USP34: variants seen among roughly 807,000 people sequenced by gnomAD.
USP34 encodes the protein ubiquitin carboxyl-terminal hydrolase 34.
Under a neutral mutation model 460.3 loss-of-function variants are expected in USP34, and 70 were observed. The observed-to-expected ratio is 0.15, with a 90% confidence interval of 0.13 to 0.19. The LOEUF (loss-of-function observed/expected upper bound fraction) is 0.19, where lower values mean the gene tolerates loss of function less well. Ranked by LOEUF, USP34 falls within the 10% of genes least tolerant of loss-of-function variation. The pLI is 1.00. For missense variants in USP34, 3,985 were observed against 4,236.2 expected (o/e 0.94, Z 1.65); for synonymous variants, 1,647 against 1,405.3 (o/e 1.17, Z -3.85).
intron 8 of USP34, among the ~76,000 whole-genome samples, chr2:61,376,381 A>G (rs1019094979): frequency 6.6e-6 from 1 of 152,174 alleles, no homozygotes; most frequent in Non-Finnish European, 1.5e-5. Context: ...CTATTCTCTT[A>G]AACATGTCTT....
chr2:61,238,103 C>T (rs1293341299), intron 53 of USP34, among the ~76,000 whole-genome samples: 3 of 151,952 alleles, frequency 2.0e-5, no homozygotes, highest in African/African-American at 7.3e-5. Flanking sequence ...ATCATGTTGG[C>T]CAGGCTGGTC....
rs1396914026 is a variant in USP34 at position 61,369,969 on chromosome 2, G to T, written c.1251+352C>A. 8.0e-5 allele frequency among the ~76,000 whole-genome samples: 11 copies of T among 136,972 alleles called. No homozygotes were observed. In the East Asian group the frequency reaches 2.1e-3, roughly 27 times the overall value. The allele number at this position is 136,972 out of a possible 152,430, so 89.9% of individuals were successfully genotyped here. A position where few individuals can be genotyped will look rare whatever the true frequency, so the allele number is the denominator to read the frequency against. ...TACTTTTGGAATTTTGAATCATGTG[G>T]ATATATGCCTATTTAAAAAAAAAAA... On this transcript the variant is annotated intron_variant, in intron 10 of 79. Coordinates refer to ENST00000398571, the MANE Select transcript of USP34 (RefSeq NM_014709.4).
intron 32 of USP34, among the ~76,000 whole-genome samples, chr2:61,294,127 C>T (rs544293606): frequency 6.0e-4 from 91 of 152,172 alleles, no homozygotes; most frequent in African/African-American, 1.6e-3. Context: ...GGGTGGATCA[C>T]GAGGTCAGCA....
At chr2:61,345,558 T>C (rs1191780698) in intron 15 of USP34, among the ~76,000 whole-genome samples, 1 of 152,234 alleles carries the variant, frequency 6.6e-6, no homozygotes, top group South Asian at 2.1e-4. Flanking sequence ...CTAACACTTA[T>C]CGAGCACTTA....
intron 1 of USP34, among the ~76,000 whole-genome samples, chr2:61,432,091 AGCACTTT>A (rs1694692858): frequency 1.3e-5 from 2 of 151,958 alleles, no homozygotes; most frequent in Non-Finnish European, 1.5e-5. Context: ...CTGTAATCAC[AGCACTTT>A]GGGAGGCCAA....
chr2:61,443,222 T>TA (rs1421186730), intron 1 of USP34, among the ~76,000 whole-genome samples: 1 of 152,146 alleles, frequency 6.6e-6, no homozygotes, highest in African/African-American at 2.4e-5. Context: ...GTGTTCTACA[T>TA]AACTGTGAAA....
In USP34 at chr2:61,204,558, A is replaced by C. The variant is rs1687062775; in HGVS notation, c.9198T>G (p.Leu3066=). 2 of 1,614,020 alleles carry C rather than the reference A, an allele frequency of 1.2e-6. No individual in the cohort carries two copies. Among genetic ancestry groups the C allele is most frequent in the East Asian group, 2.2e-5 (1 of 44,880 alleles). The change falls in exon 73 of 80, where the codon CTT becomes CTG. Residue 3066 remains leucine, a synonymous_variant. Transcript: ENST00000398571. ...ELVLLSPHDF[L]HTLVPFLQHN... The stretch of plus-strand genomic sequence containing the variant: ...GTTGTAGAAAGGGAACCAGAGTATG[A>C]AGAAAATCATGGGGACTCAAAAGTA...
chr2:61,369,251 C>T (rs772323480), intron 10 of USP34, among the ~76,000 whole-genome samples: 1 of 152,168 alleles, frequency 6.6e-6, no homozygotes, highest in African/African-American at 2.4e-5. Context: ...AATTCTAATT[C>T]TACTTGTAAG....
intron 10 of USP34, among the ~76,000 whole-genome samples, chr2:61,357,521 GGGAA>G (rs1692143372): frequency 6.6e-6 from 1 of 152,026 alleles, no homozygotes; most frequent in Admixed American, 6.6e-5. Flanking sequence ...TTACAACTTA[GGGAA>G]GGAACTACAA....
chr2:61,436,713 T>C (rs1451085864), intron 1 of USP34, among the ~76,000 whole-genome samples: 1 of 152,196 alleles, frequency 6.6e-6, no homozygotes, highest in African/African-American at 2.4e-5. Context: ...ACAGAACATT[T>C]CACCTAATAG....
chr2:61,334,667 A>C (rs909304680), intron 18 of USP34, among the ~76,000 whole-genome samples: 1 of 152,216 alleles, frequency 6.6e-6, no homozygotes, highest in Non-Finnish European at 1.5e-5. Context: ...TTTCATTTAT[A>C]AAATGCAATG....
chr2:61,323,066 C>G lies in USP34; in HGVS notation c.3013+2309G>C, dbSNP rs886723433. Among the ~76,000 whole-genome samples, 3 of 152,086 alleles carry G rather than the reference C, an allele frequency of 2.0e-5. No individual in the cohort carries two copies. The East Asian group carries it at 5.8e-4, about 29-fold the overall frequency. On this transcript the variant is annotated intron_variant, in intron 21 of 79. Transcript: ENST00000398571. ...TTTGAAGTAACTTCGTTATGGGTAA[C>G]AGGAACTGTGCCAATAAGAGAAGTA...
At chr2:61,397,164 C>T (rs772419907) in intron 3 of USP34, among the ~76,000 whole-genome samples, 12 of 152,150 alleles carry the variant, frequency 7.9e-5, no homozygotes, top group South Asian at 2.1e-4. Context: ...ACACTGAGGC[C>T]GGGCATGGTG....
chr2:61,344,604 A>C (rs12998081), intron 15 of USP34, among the ~76,000 whole-genome samples: 8,500 of 152,324 alleles, frequency 0.056, 309 homozygotes, highest in Non-Finnish European at 0.087. Flanking sequence ...GAATATGAAA[A>C]GAGCTAAAAT....
intron 51 of USP34, among the ~76,000 whole-genome samples, chr2:61,242,093 C>G (rs1233639681): frequency 1.3e-5 from 2 of 151,732 alleles, no homozygotes; most frequent in Admixed American, 6.6e-5. Context: ...CAAAAGAAAA[C>G]AAATGATGAC....
intron 5 of USP34, among the ~76,000 whole-genome samples, chr2:61,383,679 C>T (rs1693047017): frequency 6.6e-6 from 1 of 152,142 alleles, no homozygotes; most frequent in Non-Finnish European, 1.5e-5. Flanking sequence ...GAGATTGTGC[C>T]ACTGCACTCC....
chr2:61,459,709 G>C (rs1024230750), intron 1 of USP34, among the ~76,000 whole-genome samples: 3 of 149,078 alleles, frequency 2.0e-5, no homozygotes, highest in Non-Finnish European at 4.5e-5. Context: ...CCCGGGAGGC[G>C]AAGGCTGCAG....
chr2:61,284,584 T>G (rs953806299), intron 35 of USP34, among the ~76,000 whole-genome samples: 1 of 152,214 alleles, frequency 6.6e-6, no homozygotes, highest in Non-Finnish European at 1.5e-5. Flanking sequence ...GAAAATCTCC[T>G]TGGTCTTAGG....
At chr2:61,354,712 G>A (rs751758492) in intron 10 of USP34, among the ~76,000 whole-genome samples, 2 of 152,164 alleles carry the variant, frequency 1.3e-5, no homozygotes, top group Admixed American at 6.5e-5. Flanking sequence ...AATGTTTGAG[G>A]AAAAAGTGTT....
Sources: allele counts gnomAD v4.1 joint callset (sites outside exome capture counted in the v4.1 genomes callset), GRCh38; gene constraint gnomAD v4.1.1; transcripts MANE v1.5; gene names NCBI Gene and HGNC (gene_info 2026-07-23, HGNC 2026-07-21).